The following BRINP2 variants were observed in gnomAD, a reference collection of about 807,000 sequenced individuals.
BRINP2 encodes BMP/retinoic acid inducible neural specific 2, also known as BMP/retinoic acid-inducible neural-specific protein 2.
Under a neutral mutation model 69.2 loss-of-function variants are expected in BRINP2, and 21 were observed. The observed-to-expected ratio is 0.30, with a 90% CI of 0.22 to 0.44. The LOEUF is 0.44. Ranked by LOEUF, BRINP2 falls within the 20% of genes least tolerant of loss-of-function variation. The probability of loss-of-function intolerance (pLI) is 1.00; values close to 1 mark genes in which losing one functional copy is unlikely to be tolerated. For synonymous variants in BRINP2, 380 were observed against 394.1 expected (o/e 0.96, Z 0.42); for missense variants, 877 against 986.0 (o/e 0.89, Z 1.48).
At chr1:177,216,828 C>A (rs1649394912) in intron 1 of BRINP2, among the ~76,000 whole-genome samples, 1 of 129,160 alleles carries the variant, frequency 7.7e-6, no homozygotes, top group South Asian at 2.5e-4. Flanking sequence ...TCATCCAATT[C>A]TCTCCTGGCC....
intron 4 of BRINP2, among the ~76,000 whole-genome samples, chr1:177,264,485 G>A (rs913752601): frequency 6.6e-6 from 1 of 152,198 alleles, no homozygotes; most frequent in Admixed American, 6.5e-5. Context: ...AAGAAATAAA[G>A]CATATTCAAA....
intron 2 of BRINP2, among the ~76,000 whole-genome samples, chr1:177,246,912 G>A (rs984389747): frequency 6.6e-6 from 1 of 152,206 alleles, no homozygotes; most frequent in African/African-American, 2.4e-5. Context: ...GATGTGTCTG[G>A]AAATACTGCC....
intron 2 of BRINP2, among the ~76,000 whole-genome samples, chr1:177,245,588 T>A (rs982215520): frequency 6.6e-6 from 1 of 152,018 alleles, no homozygotes; most frequent in African/African-American, 2.4e-5. Flanking sequence ...CAGATAGTGG[T>A]GAACAGAGCT....
chr1:177,276,518 T>C (rs1651500842), intron 6 of BRINP2, 84 bp downstream of exon 6: 2 of 1,265,284 alleles, frequency 1.6e-6, no homozygotes, highest in South Asian at 2.7e-5. Flanking sequence ...AACTTGAGAG[T>C]TGAGGATCCT....
intron 7 of BRINP2, among the ~76,000 whole-genome samples, chr1:177,279,573 A>G (rs536840074): frequency 1.3e-5 from 2 of 152,330 alleles, no homozygotes; most frequent in African/African-American, 2.4e-5. Context: ...ACGGCCAGCA[A>G]CCCAGTGGTA....
At chr1:177,200,193 G>C (rs530223672) in intron 1 of BRINP2, among the ~76,000 whole-genome samples, 1 of 144,668 alleles carries the variant, frequency 6.9e-6, no homozygotes, top group African/African-American at 2.6e-5. Context: ...TTGGGATGCT[G>C]AGGCAGGAGA....
chr1:177,278,877 C>G, intron 7 of BRINP2, 92 bp downstream of exon 7: 1 of 1,273,174 alleles, frequency 7.9e-7, no homozygotes, highest in Non-Finnish European at 1.1e-6. Flanking sequence ...TGTAGGGGAT[C>G]AGGGAGTGGT....
At chr1:177,248,784 A>T (rs1050150074) in intron 2 of BRINP2, among the ~76,000 whole-genome samples, 1 of 152,216 alleles carries the variant, frequency 6.6e-6, no homozygotes, top group Non-Finnish European at 1.5e-5. Flanking sequence ...GGCTGCTGAC[A>T]TAAGAATCAG....
intron 1 of BRINP2, among the ~76,000 whole-genome samples, chr1:177,197,364 G>T (rs1042940285): frequency 1.3e-5 from 2 of 152,088 alleles, no homozygotes; most frequent in Non-Finnish European, 2.9e-5. Flanking sequence ...ATTGATGAAG[G>T]AGCCGCCTGT....
intron 1 of BRINP2, among the ~76,000 whole-genome samples, chr1:177,207,358 T>C (rs1033439094): frequency 3.3e-5 from 5 of 152,124 alleles, no homozygotes; most frequent in African/African-American, 1.2e-4. Context: ...GGAGGAATCA[T>C]GCAGGGTGGG....
At chr1:177,253,828 C>T (rs771399827) in intron 2 of BRINP2, among the ~76,000 whole-genome samples, 3 of 151,960 alleles carry the variant, frequency 2.0e-5, no homozygotes, top group Middle Eastern at 3.4e-3. Context: ...GTCAAAAATC[C>T]GTTTATTTAT....
intron 2 of BRINP2, among the ~76,000 whole-genome samples, chr1:177,251,656 T>C (rs559078681): frequency 1.3e-5 from 2 of 152,316 alleles, no homozygotes; most frequent in East Asian, 3.9e-4. Context: ...CAACTGGCTT[T>C]ATTGCTTTAG....
chr1:177,248,153 G>T (rs1249729913), intron 2 of BRINP2, among the ~76,000 whole-genome samples: 1 of 152,328 alleles, frequency 6.6e-6, no homozygotes, highest in African/African-American at 2.4e-5. Flanking sequence ...CACCCACATT[G>T]TAGGCTACAG....
Position 177,281,689 on chromosome 1 carries a change from A to T in BRINP2, c.*161A>T. 1.1e-6 allele frequency: 1 copy of T among 919,100 alleles called. No homozygotes were observed. The highest frequency in any genetic ancestry group is 1.6e-6 in the Non-Finnish European group (1 of 618,446). The allele number at this position is 919,100 out of a possible 1,614,324, so 56.9% of individuals were successfully genotyped here. ...GCTCGAGCTGAAGCAGGCGAGAGAG[A>T]AACAGCTACTGCGTGCGTGCGCGCA... On this transcript the variant is annotated 3_prime_UTR_variant, in exon 8 of 8. Transcript: ENST00000361539.
chr1:177,256,173 G>C, intron 3 of BRINP2, 64 bp downstream of exon 3: 1 of 1,546,226 alleles, frequency 6.5e-7, no homozygotes, highest in Non-Finnish European at 8.8e-7. Flanking sequence ...GTTAAGACTC[G>C]TGTAGCGTAG....
At chr1:177,246,842 C>G (rs1650403036) in intron 2 of BRINP2, among the ~76,000 whole-genome samples, 1 of 152,212 alleles carries the variant, frequency 6.6e-6, no homozygotes, top group Non-Finnish European at 1.5e-5. Flanking sequence ...GCAGTAAAGT[C>G]TCTAATAGCC....
intron 1 of BRINP2, among the ~76,000 whole-genome samples, chr1:177,215,889 T>G (rs1649361847): frequency 6.6e-6 from 1 of 152,150 alleles, no homozygotes; most frequent in South Asian, 2.1e-4. Flanking sequence ...TGTCCTTTTT[T>G]GTCTCCTTTT....
intron 1 of BRINP2, among the ~76,000 whole-genome samples, chr1:177,191,739 C>T (rs182793582): frequency 5.3e-5 from 8 of 152,212 alleles, no homozygotes; most frequent in Non-Finnish European, 7.4e-5. Context: ...CAGGCGTGAG[C>T]CACCACGCCC....
At chr1:177,188,256 T>C (rs2102294612) in intron 1 of BRINP2, among the ~76,000 whole-genome samples, 1 of 152,290 alleles carries the variant, frequency 6.6e-6, no homozygotes. Context: ...CAAATATTTA[T>C]TGAGCTCTTT....
Sources: gnomAD v4.1 joint callset for allele counts (sites outside exome capture counted in the v4.1 genomes callset) on GRCh38, gnomAD v4.1.1 for gene constraint, MANE v1.5 for transcripts, NCBI Gene and HGNC (gene_info 2026-07-23, HGNC 2026-07-21) for gene names.